ZNF836: variants seen among roughly 807,000 people sequenced by gnomAD.
ZNF836 encodes zinc finger protein 836.
ZNF836 carries 12 observed loss-of-function variants against 7.4 expected under a neutral mutation model. That is an observed-to-expected ratio of 1.61 (90% CI 1.03 to 2.61). ZNF836 has a LOEUF of 2.61. Ranked by LOEUF, ZNF836 falls within the 30% of genes most tolerant of loss-of-function variation. ZNF836 has a pLI of 0.00. For missense variants in ZNF836, 998 were observed against 1,126.2 expected (o/e 0.89, Z 1.63); for synonymous variants, 365 against 382.6 (o/e 0.95, Z 0.54).
Position 52,156,432 on chromosome 19 carries a change from A to G in ZNF836, c.1251T>C (p.Asp417=), listed in dbSNP as rs79594867. The G allele has an allele frequency of 2.2e-4, 354 of 1,614,158 alleles. 1 individual carries two copies. The African/African-American group carries it at 4.3e-3, about 19-fold the overall frequency. The change falls in exon 5 of 5, where the codon GAT becomes GAC. Residue 417 remains aspartate (D), a synonymous_variant. Transcript: ENST00000682614. ...TCCGTTTAAAGGTTTTGCCACACTC[A>G]TCACATTTGTAAGGTTTGTTTCCAC... The part of the protein sequence containing the change: ...VHSGNKPYKC[D]ECGKTFKRSS...
intron 3 of ZNF836, among the ~76,000 whole-genome samples, chr19:52,160,986 C>T (rs1247710102): frequency 6.6e-6 from 1 of 152,160 alleles, no homozygotes; most frequent in African/African-American, 2.4e-5. Context: ...ACTGTGATGA[C>T]CACAGCAACA....
Position 52,160,509 on chromosome 19 carries a change from T to C in ZNF836, c.98A>G (p.Tyr33Cys). The change falls in exon 4 of 5, where the codon TAC becomes TGC. Residue 33 changes from tyrosine (Y) to cysteine (C), a missense_variant. Physicochemically the swap from Tyr to Cys is radical, Grantham distance 194. Coordinates refer to ENST00000682614, the MANE Select transcript of ZNF836 (RefSeq NM_001102657.3). ...KSLDPVQKALYWDVMLENYRN... is the reference protein window; with the variant it reads ...KSLDPVQKALCWDVMLENYRN... ...GTAGTTCTCCAACATCACATCCCAGTACAAAGCTTTCTGCACAGGGTCCAG... is the reference window on the plus strand; with the variant it reads ...GTAGTTCTCCAACATCACATCCCAGCACAAAGCTTTCTGCACAGGGTCCAG... 6.2e-7 allele frequency: 1 copy of C among 1,614,134 alleles called. No homozygotes were observed. Among genetic ancestry groups the C allele is most frequent in the Non-Finnish European group, 8.5e-7 (1 of 1,180,014 alleles).
intron 3 of ZNF836, among the ~76,000 whole-genome samples, chr19:52,163,007 G>C (rs2089227539): frequency 6.6e-6 from 1 of 152,170 alleles, no homozygotes; most frequent in South Asian, 2.1e-4. Flanking sequence ...AGGTGGGGTA[G>C]CCAAGGACCT....
In ZNF836 at chr19:52,157,044, A is replaced by G. The variant is rs1248687986; in HGVS notation, c.639T>C (p.Ile213=). Residue 213 remains isoleucine (I), a synonymous_variant, in exon 5 of 5, where the codon ATT becomes ATC. Coordinates refer to ENST00000682614, the MANE Select transcript of ZNF836 (RefSeq NM_001102657.3). The part of the protein sequence containing the change: ...SLPTQLEKTH[I]REKPYMCKGC... ...CTTTACACATATAAGGTTTTTCCCT[A>G]ATGTGTGTTTTCTCAAGTTGGGTGG... 1.9e-6 allele frequency: 3 copies of G among 1,614,008 alleles called. No homozygotes were observed. The South Asian group carries it at 3.3e-5, about 18-fold the overall frequency.
chr19:52,162,817 G>A (rs2089224617), intron 3 of ZNF836, among the ~76,000 whole-genome samples: 1 of 152,196 alleles, frequency 6.6e-6, no homozygotes, highest in Non-Finnish European at 1.5e-5. Flanking sequence ...AAACCTTCTG[G>A]CGGCAGGCGC....
In ZNF836 at chr19:52,157,530, A is replaced by C. The variant is rs17696575; in HGVS notation, c.153T>G (p.Pro51=). 6.6e-7 allele frequency: 1 copy of C among 1,511,490 alleles called. No individual in the cohort carries two copies. Among genetic ancestry groups the C allele is most frequent in the Non-Finnish European group, 8.8e-7 (1 of 1,135,498 alleles). 93.6% of individuals were successfully genotyped at this position (1,511,490 alleles called of 1,614,324 possible). A position where few individuals can be genotyped will look rare whatever the true frequency, so the allele number is the denominator to read the frequency against. ...GTGGTAATTCCTTGGTCATACATTT[A>C]GGAAGGATACCTACAAAATATAATG... The part of the protein sequence containing the change: ...YRNLVFLGIL[P]KCMTKELPPI... The change falls in exon 5 of 5, where the codon CCT becomes CCG. Residue 51 remains proline, a synonymous_variant. Coordinates refer to ENST00000682614, the MANE Select transcript of ZNF836 (RefSeq NM_001102657.3).
At chr19:52,167,159 A>G in intron 3 of ZNF836, among the ~76,000 whole-genome samples, 1 of 151,828 alleles carries the variant, frequency 6.6e-6, no homozygotes, top group East Asian at 1.9e-4. Context: ...TCTGACATTC[A>G]GGTTGATTTT....
intron 3 of ZNF836, among the ~76,000 whole-genome samples, chr19:52,164,035 G>A (rs1211122648): frequency 6.7e-6 from 1 of 149,620 alleles, no homozygotes; most frequent in Non-Finnish European, 1.5e-5. Flanking sequence ...AGAAAAAGAA[G>A]GAAGGAAGGA....
At chr19:52,166,828 C>G (rs2122229035) in intron 3 of ZNF836, among the ~76,000 whole-genome samples, 1 of 151,906 alleles carries the variant, frequency 6.6e-6, no homozygotes, top group Non-Finnish European at 1.5e-5. Flanking sequence ...ATCCGCCCGC[C>G]TCGGCCTCCC....
Position 52,157,424 on chromosome 19 carries a change from A to C in ZNF836, c.259T>G (p.Tyr87Asp). Residue 87 changes from tyrosine (Y) to aspartate (D), a missense_variant, in exon 5 of 5, where the codon TAC becomes GAC. Physicochemically the swap from Tyr to Asp is radical, Grantham distance 160 (BLOSUM62 -3). Coordinates refer to ENST00000682614, the MANE Select transcript of ZNF836 (RefSeq NM_001102657.3). Reference protein sequence around the residue: ...RHECYDVENFYLREIQKNLQD... With the variant: ...RHECYDVENFDLREIQKNLQD... ...AGATTTTTCTGGATTTCCCTTAAGT[A>C]AAAATTTTCAACATCATAACATTCA... 1 of 1,607,720 alleles carries C rather than the reference A, an allele frequency of 6.2e-7. No homozygotes were observed. The highest frequency in any genetic ancestry group is 8.5e-7 in the Non-Finnish European group (1 of 1,178,446).
Position 52,157,200 on chromosome 19 carries a change from A to C in ZNF836, c.483T>G (p.Ile161Met), listed in dbSNP as rs1330137444. 2 of 1,612,410 alleles carry C rather than the reference A, an allele frequency of 1.2e-6. No homozygotes were observed. Among genetic ancestry groups the C allele is most frequent in the East Asian group, 2.2e-5 (1 of 44,868 alleles). ...TCTTCTCAGATTGGTTACACTCATA[A>C]ATTTTCCCTTCAGTTTGAAATTTCT... is the stretch of plus-strand genomic sequence containing the variant. ...ELQKFQTEGKIYECNQSEKTV... is the reference protein window; with the variant it reads ...ELQKFQTEGKMYECNQSEKTV... Residue 161 changes from isoleucine (I) to methionine (M), a missense_variant, in exon 5 of 5, where the codon ATT (isoleucine) becomes ATG (methionine). Ile to Met is a conservative substitution (Grantham distance 10). Coordinates refer to ENST00000682614, the MANE Select transcript of ZNF836 (RefSeq NM_001102657.3).
intron 1 of ZNF836, 102 bp downstream of exon 1, chr19:52,171,234 C>G (rs968062221): frequency 6.6e-6 from 1 of 152,354 alleles, no homozygotes; most frequent in African/African-American, 2.4e-5. Context: ...GGAACACGAC[C>G]TGAGTGGGGT....
At position 52,155,446 on chromosome 19, in the gene ZNF836, C is replaced by T; in HGVS notation, c.2237G>A (p.Gly746Glu). ...GLTYHQRRHTGEMPYKCIECG... is the reference protein window; with the variant it reads ...GLTYHQRRHTEEMPYKCIECG... The stretch of plus-strand genomic sequence containing the variant: ...TTCAATACATTTGTATGGCATCTCT[C>T]CAGTATGCCTTCTCTGATGGTACGT... Residue 746 changes from glycine to glutamate, a missense_variant, in exon 5 of 5, where the codon GGA becomes GAA. Physicochemically the swap from Gly to Glu is moderately conservative, Grantham distance 98. Coordinates refer to ENST00000682614, the MANE Select transcript of ZNF836 (RefSeq NM_001102657.3). 6.2e-7 allele frequency: 1 copy of T among 1,614,082 alleles called. No homozygotes were observed. Among genetic ancestry groups the T allele is most frequent in the Admixed American group, 1.7e-5 (1 of 60,006 alleles).
At chr19:52,170,148 T>C (rs11666474) in intron 1 of ZNF836, among the ~76,000 whole-genome samples, 96,040 of 151,618 alleles carry the variant, frequency 0.63, 30,817 homozygotes, top group African/African-American at 0.66. Context: ...TTCTTCACTA[T>C]TGTGTGTGTC....
chr19:52,168,463 C>G (rs1206570563), intron 2 of ZNF836, among the ~76,000 whole-genome samples: 1 of 152,086 alleles, frequency 6.6e-6, no homozygotes, highest in African/African-American at 2.4e-5. Context: ...TGGCATGCAC[C>G]TGTAGTCCCA....
chr19:52,155,197 G>A lies in ZNF836; in HGVS notation c.2486C>T (p.Thr829Ile). Residue 829 changes from threonine to isoleucine, a missense_variant, in exon 5 of 5, where the codon ACT becomes ATT. Thr to Ile is a moderately conservative substitution (Grantham distance 89). Coordinates refer to ENST00000682614, the MANE Select transcript of ZNF836 (RefSeq NM_001102657.3). The stretch of plus-strand genomic sequence containing the variant: ...ATTACATTTGTAAGGTTTGTCCCCA[G>A]TATGCATTTTCTGATGATTAACCAG... Reference protein sequence around the residue: ...SILVNHQKMHTGDKPYKCNEC... With the variant: ...SILVNHQKMHIGDKPYKCNEC... 1 of 1,614,132 alleles carries A rather than the reference G, an allele frequency of 6.2e-7. No homozygotes were observed. Among genetic ancestry groups the A allele is most frequent in the Non-Finnish European group, 8.5e-7 (1 of 1,180,024 alleles).
Position 52,156,827 on chromosome 19 carries a change from T to G in ZNF836, c.856A>C (p.Asn286His). The G allele has an allele frequency of 6.2e-7, 1 of 1,614,190 alleles. No individual in the cohort carries two copies. Among genetic ancestry groups the G allele is most frequent in the South Asian group, 1.1e-5 (1 of 91,086 alleles). ...CTCCGGTGATTTACAAGATCTGAAT[T>G]TTGTCTGAAGATCTTGCCACATACA... ...CGVCGKIFRQ[N>H]SDLVNHRRSH... The change falls in exon 5 of 5, where the codon AAT (asparagine) becomes CAT (histidine). Residue 286 changes from asparagine to histidine, a missense_variant. Physicochemically the swap from Asn to His is moderately conservative, Grantham distance 68. Transcript: ENST00000682614.
chr19:52,164,391 C>A (rs1418745783), intron 3 of ZNF836, among the ~76,000 whole-genome samples: 1 of 83,128 alleles, frequency 1.2e-5, no homozygotes. Context: ...GAAACTCTGT[C>A]TCAAAAAAAA....
In ZNF836 at chr19:52,168,168, CTGT is replaced by C; in HGVS notation, c.-80-19_-80-17del. Reference sequence around the variant, plus strand: ...CAAGTCAAATCTGAAAGTGAAAAATCTGTTGTTTAATGCTTGGAAACAACACAT... The same window carrying C: ...CAAGTCAAATCTGAAAGTGAAAAATCTGTTTAATGCTTGGAAACAACACAT... On this transcript the variant is annotated splice_polypyrimidine_tract_variant and intron_variant, in intron 2 of 4. Coordinates refer to ENST00000682614, the MANE Select transcript of ZNF836 (RefSeq NM_001102657.3). 1 of 1,522,522 alleles carries C rather than the reference CTGT, an allele frequency of 6.6e-7. No individual in the cohort carries two copies. The highest frequency in any genetic ancestry group is 8.9e-7 in the Non-Finnish European group (1 of 1,125,362). 94.3% of individuals were successfully genotyped at this position (1,522,522 alleles called of 1,614,324 possible).
Sources: allele counts gnomAD v4.1 joint callset (sites outside exome capture counted in the v4.1 genomes callset), GRCh38; gene constraint gnomAD v4.1.1; transcripts MANE v1.5; gene names NCBI Gene and HGNC (gene_info 2026-07-23, HGNC 2026-07-21).